Variants in RPS25 observed in about 807,000 individuals in gnomAD.
The protein encoded by RPS25 is ribosomal protein S25, also known as small ribosomal subunit protein eS25.
Under a neutral mutation model 14.4 loss-of-function variants are expected in RPS25, and 1 was observed. The ratio of observed to expected loss-of-function variants is 0.07; its 90% CI spans 0.02 to 0.33. The LOEUF (loss-of-function observed/expected upper bound fraction) is 0.33, where lower values mean the gene tolerates loss of function less well. Among genes scored for constraint, RPS25 ranks in the 10% least tolerant of loss-of-function variants. The probability of loss-of-function intolerance (pLI) is 1.00; values close to 1 mark genes in which losing one functional copy is unlikely to be tolerated. For missense variants in RPS25, 65 were observed against 144.6 expected (o/e 0.45, Z 2.82); for synonymous variants, 63 against 53.8 (o/e 1.17, Z -0.75).
chr11:119,018,153 T>C, intron 1 of RPS25, 100 bp from the exon 2 acceptor site: 4 of 1,563,332 alleles, frequency 2.6e-6, no homozygotes, highest in Non-Finnish European at 3.5e-6. Context: ...CCAGAGCACA[T>C]GGGCCAAGCA....
At chr11:119,017,736 A>G in intron 2 of RPS25, 191 bp from the exon 3 acceptor site, 1 of 675,130 alleles carries the variant, frequency 1.5e-6, no homozygotes, top group East Asian at 2.7e-5. Context: ...CCACTAGATC[A>G]GTTAAAAATA....
intron 1 of RPS25, 70 bp from the exon 2 acceptor site, chr11:119,018,123 A>T: frequency 6.4e-7 from 1 of 1,561,008 alleles, no homozygotes; most frequent in African/African-American, 1.4e-5. Flanking sequence ...CTGCGCCCTC[A>T]GCCCCCGCAA....
intron 3 of RPS25, among the ~76,000 whole-genome samples, chr11:119,016,390 G>C (rs1389701476): frequency 2.0e-5 from 3 of 152,022 alleles, no homozygotes. Flanking sequence ...TGGCAAAACC[G>C]CATCTCTATT....
chr11:119,016,059 G>A (rs567886707), intron 3 of RPS25, 120 bp from the exon 4 acceptor site: 24 of 630,092 alleles, frequency 3.8e-5, no homozygotes, highest in Non-Finnish European at 5.8e-5. Context: ...AGGTGGAGAC[G>A]GGCAGATAGC....
chr11:119,017,907 G>C, intron 2 of RPS25, 51 bp downstream of exon 2: 6 of 1,416,664 alleles, frequency 4.2e-6, no homozygotes, highest in Middle Eastern at 3.9e-4. Context: ...TATTACTAGA[G>C]GATTACGAGA....
At chr11:119,017,244 A>G (rs1943185146) in intron 3 of RPS25, 118 bp downstream of exon 3, 4 of 727,956 alleles carry the variant, frequency 5.5e-6, no homozygotes, top group Non-Finnish European at 8.8e-6. Flanking sequence ...CTAACAGCCA[A>G]TGGTCAAGCC....
chr11:119,016,637 C>T (rs954148290), intron 3 of RPS25, among the ~76,000 whole-genome samples: 1 of 150,834 alleles, frequency 6.6e-6, no homozygotes, highest in Non-Finnish European at 1.5e-5. Flanking sequence ...ATCTTCCACC[C>T]CCCCCCCCTT....
intron 2 of RPS25, 149 bp downstream of exon 2, chr11:119,017,809 A>C (rs1429805584): frequency 5.6e-6 from 4 of 717,026 alleles, no homozygotes; most frequent in Non-Finnish European, 9.6e-6. Flanking sequence ...CCTAATGGGA[A>C]AAAGAACGAG....
chr11:119,018,244 C>T, intron 1 of RPS25, 38 bp downstream of exon 1: 2 of 1,614,092 alleles, frequency 1.2e-6, no homozygotes, highest in Non-Finnish European at 1.7e-6. Context: ...AGTCCTCAAA[C>T]CCAAGAACGC....
intron 1 of RPS25, 29 bp downstream of exon 1, chr11:119,018,253 G>T: frequency 1.2e-6 from 2 of 1,614,026 alleles, no homozygotes; most frequent in Non-Finnish European, 1.7e-6. Flanking sequence ...ACCCAAGAAC[G>T]CCGGCGACTT....
rs1943204540 is a variant in RPS25, at chr11:119,017,938, CAG to C, written c.99+18_99+19del. 5.0e-6 allele frequency: 8 copies of C among 1,589,912 alleles called. No homozygotes were observed. Among genetic ancestry groups the C allele is most frequent in the South Asian group, 2.2e-5 (2 of 90,474 alleles). ...CGAGAGAGTTACCCCTAGTCTCTTT[CAG>C]AGAGGTCTTATTTCTACCTTCTTTT... On this transcript the variant is annotated intron_variant, in intron 2 of 4. Coordinates refer to ENST00000527673, the MANE Select transcript of RPS25 (RefSeq NM_001028.3).
chr11:119,018,050 G>A lies in RPS25; in HGVS notation c.7C>T (p.Pro3Ser), dbSNP rs782672502. 13 of 1,612,278 alleles carry A rather than the reference G, an allele frequency of 8.1e-6. No individual in the cohort carries two copies. The highest frequency in any genetic ancestry group is 1.0e-5 in the Non-Finnish European group (12 of 1,180,006). The change falls in exon 2 of 5, where the codon CCT becomes TCT. Residue 3 changes from proline (P) to serine (S), a missense_variant. Physicochemically the swap from Pro to Ser is moderately conservative, Grantham distance 74. Coordinates refer to ENST00000527673, the MANE Select transcript of RPS25 (RefSeq NM_001028.3). ...TCCTTCTTCTTCTTGTCGTCCTTAG[G>A]CGGCTGTAGGAGGGCAGCGGGAATG... Reference protein sequence around the residue: MPPKDDKKKKDAG... With the variant: MPSKDDKKKKDAG...
At chr11:119,016,013 C>G in intron 3 of RPS25, 74 bp from the exon 4 acceptor site, 1 of 912,086 alleles carries the variant, frequency 1.1e-6, no homozygotes, top group South Asian at 1.4e-5. Context: ...TTTGGCTGGG[C>G]GCGGTGGCTC....
chr11:119,017,737 G>C (rs952046925), intron 2 of RPS25, 192 bp from the exon 3 acceptor site: 56 of 677,710 alleles, frequency 8.3e-5, no homozygotes, highest in Middle Eastern at 6.7e-4. Context: ...CACTAGATCA[G>C]TTAAAAATAA....
At position 119,015,866 on chromosome 11, in the gene RPS25, T is replaced by A; in HGVS notation, c.357A>T (p.Pro119=). ...YTRNTKGGDA[P]AAGEDA ...CTATTCATGCATCTTCACCAGCAGCTGGAGCATCTCCACCCTTGGTATTTC... is the reference window on the plus strand; with the variant it reads ...CTATTCATGCATCTTCACCAGCAGCAGGAGCATCTCCACCCTTGGTATTTC... The change falls in exon 4 of 5, where the codon CCA becomes CCT. Residue 119 remains proline, a synonymous_variant. Transcript: ENST00000527673. The A allele has an allele frequency of 1.9e-6, 3 of 1,608,568 alleles. No homozygotes were observed. The highest frequency in any genetic ancestry group is 2.6e-6 in the Non-Finnish European group (3 of 1,174,926).
intron 2 of RPS25, 115 bp from the exon 3 acceptor site, chr11:119,017,660 CATT>C (rs1306961584): frequency 3.0e-6 from 3 of 987,144 alleles, no homozygotes; most frequent in Non-Finnish European, 4.5e-6. Flanking sequence ...ATAAATTACA[CATT>C]ACTAAAACAA....
At chr11:119,016,054 G>T (rs1943148142) in intron 3 of RPS25, 115 bp from the exon 4 acceptor site, 1 of 644,700 alleles carries the variant, frequency 1.6e-6, no homozygotes, top group South Asian at 1.9e-5. Flanking sequence ...TTGGGAGGTG[G>T]AGACGGGCAG....
chr11:119,018,312 A>ACCGCAGCCTCGT lies in RPS25; in HGVS notation c.-40_-29dup. On this transcript the variant is annotated 5_prime_UTR_variant, in exon 1 of 5. Transcript: ENST00000527673. The stretch of plus-strand genomic sequence containing the variant: ...CGAAGCTCGGAGAATAGCAGCAGAC[A>ACCGCAGCCTCGT]CCGCAGCCTCGTCAAGATGTCGGAC... 6.2e-7 allele frequency: 1 copy of ACCGCAGCCTCGT among 1,614,126 alleles called. No individual in the cohort carries two copies. Among genetic ancestry groups the ACCGCAGCCTCGT allele is most frequent in the Non-Finnish European group, 8.5e-7 (1 of 1,180,016 alleles).
At chr11:119,017,906 A>G in intron 2 of RPS25, 52 bp downstream of exon 2, 1 of 1,388,496 alleles carries the variant, frequency 7.2e-7, no homozygotes, top group Non-Finnish European at 1.0e-6. Flanking sequence ...CTATTACTAG[A>G]GGATTACGAG....
Sources: allele counts gnomAD v4.1 joint callset (sites outside exome capture counted in the v4.1 genomes callset), GRCh38; gene constraint gnomAD v4.1.1; transcripts MANE v1.5; gene names NCBI Gene and HGNC (gene_info 2026-07-23, HGNC 2026-07-21).